Variants in UNC13D observed in about 807,000 individuals in gnomAD.
UNC13D encodes unc-13 homolog D.
Under a neutral mutation model 151.7 loss-of-function variants are expected in UNC13D, and 115 were observed. That is an observed-to-expected ratio of 0.76 (90% CI 0.65 to 0.88). UNC13D has a LOEUF of 0.88. UNC13D is among the 40% of genes least tolerant of loss of function. The probability of loss-of-function intolerance (pLI) is 0.00; values close to 1 mark genes in which losing one functional copy is unlikely to be tolerated. For missense variants in UNC13D, 1,369 were observed against 1,438.7 expected, an observed-to-expected ratio of 0.95 and a Z score of 0.78; for synonymous variants, 588 against 612.2, an observed-to-expected ratio of 0.96 and a Z score of 0.58.
chr17:75,837,936 T>G (rs775021178), intron 12 of UNC13D, among the ~76,000 whole-genome samples: 1 of 152,110 alleles, frequency 6.6e-6, no homozygotes, highest in Non-Finnish European at 1.5e-5. Flanking sequence ...GAAGTCCCTA[T>G]TGGACACTGC....
At position 75,836,616 on chromosome 17, in the gene UNC13D, G is replaced by A. The variant is rs1211502322; in HGVS notation, c.1254C>T (p.Pro418=). The change falls in exon 14 of 32, where the codon CCC becomes CCT. Residue 418 remains proline, a synonymous_variant. Transcript: ENST00000207549. ...SLIRRFRSVF[P]LSVSDSPARL... is the part of the protein sequence containing the mutation. The stretch of plus-strand genomic sequence containing the variant: ...GGGCTGGGGAGTCCGAGACAGAGAG[G>A]GGGAAGACAGAGCGGAACCTCCGGA... The A allele has an allele frequency of 1.2e-6, 2 of 1,613,804 alleles. No individual in the cohort carries two copies. The highest frequency in any genetic ancestry group is 1.7e-6 in the Non-Finnish European group (2 of 1,180,030).
Position 75,840,946 on chromosome 17 carries a change from A to G in UNC13D, c.614+11T>C. On this transcript the variant is annotated intron_variant, in intron 7 of 31. Coordinates refer to ENST00000207549, the MANE Select transcript of UNC13D (RefSeq NM_199242.3). This position sits in a 1 kb window ranked among gnomAD's most constrained non-coding sequence, Gnocchi z 4.6. ...CCCTTCCCATCCCTAGGGGCAGGCC[A>G]GGTCACTCACCACATGTCCAGATGA... 6.2e-7 allele frequency: 1 copy of G among 1,614,004 alleles called. No individual in the cohort carries two copies. Among genetic ancestry groups the G allele is most frequent in the African/African-American group, 1.3e-5 (1 of 75,002 alleles).
intron 12 of UNC13D, among the ~76,000 whole-genome samples, chr17:75,839,224 G>A (rs1168455544): frequency 6.6e-6 from 1 of 151,832 alleles, no homozygotes; most frequent in East Asian, 1.9e-4. Flanking sequence ...CCAACATGGA[G>A]AAACCCCGTC....
At chr17:75,836,458 G>A in intron 14 of UNC13D, 29 bp from the exon 15 acceptor site, 2 of 1,611,994 alleles carry the variant, frequency 1.2e-6, no homozygotes, top group Non-Finnish European at 1.7e-6. Flanking sequence ...TGTGTCGAAA[G>A]TGCCTGCTGC....
rs1261675315 is a variant in UNC13D, at chr17:75,833,882, C to A, written c.2367+193G>T. ...TCCCCAACTGCAGCCCCCTCATTGA[C>A]TGTCAGTGCTGGGACAGCCAGTGGA... On this transcript the variant is annotated intron_variant, in intron 24 of 31. Transcript: ENST00000207549. This position sits in a 1 kb window ranked among gnomAD's most constrained non-coding sequence, Gnocchi z 4.0. Among the ~76,000 whole-genome samples the A allele has an allele frequency of 2.0e-5, 3 of 152,228 alleles. No homozygotes were observed. The highest frequency in any genetic ancestry group is 7.2e-5 in the African/African-American group (3 of 41,460).
At chr17:75,835,315 G>T in intron 20 of UNC13D, 94 bp downstream of exon 20, 1 of 1,517,340 alleles carries the variant, frequency 6.6e-7, no homozygotes, top group Admixed American at 1.8e-5. Flanking sequence ...TTCAGAGCGG[G>T]TTACTGGCTT....
At chr17:75,829,866 C>T in intron 30 of UNC13D, 162 bp downstream of exon 30, 4 of 1,140,196 alleles carry the variant, frequency 3.5e-6, no homozygotes, top group South Asian at 1.5e-5. Context: ...GTGTGAGCCA[C>T]CACATCCAGC....
intron 27 of UNC13D, 93 bp downstream of exon 27, chr17:75,831,005 C>A (rs983639582): frequency 7.0e-7 from 1 of 1,430,204 alleles, no homozygotes; most frequent in African/African-American, 1.4e-5. Context: ...TGTACTGGGC[C>A]CCATAAATTA....
chr17:75,840,602 G>C lies in UNC13D; in HGVS notation c.684-26C>G. 1.2e-6 allele frequency: 2 copies of C among 1,613,932 alleles called. No homozygotes were observed. The highest frequency in any genetic ancestry group is 2.2e-5 in the East Asian group (1 of 44,876). On this transcript the variant is annotated intron_variant, in intron 8 of 31. Coordinates refer to ENST00000207549, the MANE Select transcript of UNC13D (RefSeq NM_199242.3). The surrounding 1 kb of genome is among the most constrained non-coding windows in gnomAD (Gnocchi z 4.6). ...CTGCGTCAGGCAGGGTCCCATAAGG[G>C]GGACGCAGCAAGGGTCGGAAGGGAT...
intron 12 of UNC13D, among the ~76,000 whole-genome samples, chr17:75,838,853 C>A (rs2064927092): frequency 6.6e-6 from 1 of 152,202 alleles, no homozygotes. Context: ...ATAATCCCAG[C>A]ACTTTGGGAG....
chr17:75,828,921 T>A lies in UNC13D; in HGVS notation c.3017A>T (p.Tyr1006Phe). ...GACLLLTVLD[Y>F]DTLGADDLEG... The stretch of plus-strand genomic sequence containing the variant: ...CAGGTCGTCGGCCCCCAGCGTGTCG[T>A]AGTCCAGCACGGTGAGCAGGAGGCA... Residue 1006 changes from tyrosine to phenylalanine, a missense_variant, in exon 31 of 32, where the codon TAC becomes TTC. Tyr to Phe is a conservative substitution (Grantham distance 22). Coordinates refer to ENST00000207549, the MANE Select transcript of UNC13D (RefSeq NM_199242.3). 1.9e-6 allele frequency: 3 copies of A among 1,607,228 alleles called. No individual in the cohort carries two copies. Among genetic ancestry groups the A allele is most frequent in the Non-Finnish European group, 2.5e-6 (3 of 1,179,794 alleles).
In UNC13D at chr17:75,835,535, G is replaced by A; in HGVS notation, c.1728-6C>T. Reference sequence around the variant, plus strand: ...CCAGGGCCAGGACTCCATCCCTGGGGATTGCCGGGGCTCAGCGTCGGGAAG... The same window carrying A: ...CCAGGGCCAGGACTCCATCCCTGGGAATTGCCGGGGCTCAGCGTCGGGAAG... On this transcript the variant is annotated splice_region_variant and splice_polypyrimidine_tract_variant and intron_variant, in intron 19 of 31. Transcript: ENST00000207549. 1 of 1,602,148 alleles carries A rather than the reference G, an allele frequency of 6.2e-7. No homozygotes were observed. Among genetic ancestry groups the A allele is most frequent in the Non-Finnish European group, 8.5e-7 (1 of 1,174,630 alleles).
intron 12 of UNC13D, among the ~76,000 whole-genome samples, chr17:75,838,367 C>T (rs969917533): frequency 1.3e-5 from 2 of 152,008 alleles, no homozygotes; most frequent in Non-Finnish European, 2.9e-5. Flanking sequence ...TACAGACATG[C>T]GCCCCCACAC....
rs73352177 is a variant in UNC13D, at chr17:75,828,518, T to A, written c.3151+269A>T. On this transcript the variant is annotated intron_variant, in intron 31 of 31. Transcript: ENST00000207549. ...AGACCGTTGCTGGTATCAAAAATGCTCTGCAGGGAAGCGGCCCCGCCGAGT... is the reference window on the plus strand; with the variant it reads ...AGACCGTTGCTGGTATCAAAAATGCACTGCAGGGAAGCGGCCCCGCCGAGT... Among the ~76,000 whole-genome samples, 522 of 152,350 alleles carry A rather than the reference T, an allele frequency of 3.4e-3. 4 individuals carry two copies. The highest frequency in any genetic ancestry group is 0.012 in the African/African-American group (494 of 41,584).
rs2064944258 is a variant in UNC13D, at chr17:75,840,954, C to T, written c.614+3G>A. On this transcript the variant is annotated splice_donor_region_variant and intron_variant, in intron 7 of 31. Coordinates refer to ENST00000207549, the MANE Select transcript of UNC13D (RefSeq NM_199242.3). This position sits in a 1 kb window ranked among gnomAD's most constrained non-coding sequence, Gnocchi z 4.6. ...ATCCCTAGGGGCAGGCCAGGTCACT[C>T]ACCACATGTCCAGATGAAAGCTCGC... The T allele has an allele frequency of 6.2e-7, 1 of 1,613,920 alleles. No individual in the cohort carries two copies. The highest frequency in any genetic ancestry group is 1.3e-5 in the African/African-American group (1 of 74,888).
chr17:75,843,319 C>T (rs1199890056), intron 2 of UNC13D, 53 bp from the exon 3 acceptor site: 3 of 1,596,694 alleles, frequency 1.9e-6, no homozygotes, highest in Non-Finnish European at 2.6e-6. Flanking sequence ...CTGGCACCAA[C>T]ACCTCTCGCC....
intron 12 of UNC13D, among the ~76,000 whole-genome samples, chr17:75,839,423 AG>A (rs2064932303): frequency 6.9e-6 from 1 of 145,820 alleles, no homozygotes; most frequent in Non-Finnish European, 1.5e-5. Context: ...AAAAAAAAAA[AG>A]CAGCAAAATG....
At chr17:75,838,501 G>A (rs1223751279) in intron 12 of UNC13D, among the ~76,000 whole-genome samples, 2 of 151,778 alleles carry the variant, frequency 1.3e-5, no homozygotes, top group Admixed American at 6.6e-5. Flanking sequence ...TTCCAGGCGC[G>A]AGCCACCGTG....
In UNC13D at chr17:75,840,899, C is replaced by A. The variant is rs901069928; in HGVS notation, c.614+58G>T. On this transcript the variant is annotated intron_variant, in intron 7 of 31. Coordinates refer to ENST00000207549, the MANE Select transcript of UNC13D (RefSeq NM_199242.3). The surrounding 1 kb of genome is among the most constrained non-coding windows in gnomAD (Gnocchi z 4.6). ...CGACCTCTTCCAGGAGGAGGTTCCG[C>A]CTCTCTCACCCCAGATCCCTTCCCT... 1.6e-5 allele frequency: 26 copies of A among 1,613,966 alleles called. No individual in the cohort carries two copies. The South Asian group carries it at 2.7e-4, about 17-fold the overall frequency.
Sources: allele counts gnomAD v4.1 joint callset (sites outside exome capture counted in the v4.1 genomes callset), GRCh38; gene constraint gnomAD v4.1.1; non-coding constraint Gnocchi (gnomAD v3.1); transcripts MANE v1.5; gene names NCBI Gene and HGNC (gene_info 2026-07-23, HGNC 2026-07-21).